EDNRB: variants seen among roughly 807,000 people sequenced by gnomAD.
EDNRB encodes the protein endothelin receptor type B.
In EDNRB, 18 loss-of-function variants were observed where a neutral mutation model predicts 46.4. That is an observed-to-expected ratio of 0.39 (90% CI 0.27 to 0.57). The LOEUF (loss-of-function observed/expected upper bound fraction) is 0.57, where lower values mean the gene tolerates loss of function less well. Ranked by LOEUF, EDNRB falls within the 20% of genes least tolerant of loss-of-function variation. The pLI is 0.61. For missense variants in EDNRB, 434 were observed against 537.5 expected, an observed-to-expected ratio of 0.81 and a Z score of 1.90; for synonymous variants, 213 against 204.9, an observed-to-expected ratio of 1.04 and a Z score of -0.34.
At chr13:77,925,972 T>C (rs145273050) in intron 1 of EDNRB, among the ~76,000 whole-genome samples, 131 of 152,340 alleles carry the variant, frequency 8.6e-4, no homozygotes, top group African/African-American at 3.1e-3. Context: ...ATGCGAGATA[T>C]GGCATCAAAA....
At chr13:77,964,026 C>G (rs71434882) in intron 1 of EDNRB, among the ~76,000 whole-genome samples, 220 of 152,172 alleles carry the variant, frequency 1.4e-3, no homozygotes, top group Admixed American at 2.2e-3. Context: ...AAAAATGTGC[C>G]TCATCACTGG....
chr13:77,940,386 G>A (rs539634870), intron 1 of EDNRB, among the ~76,000 whole-genome samples: 1 of 151,882 alleles, frequency 6.6e-6, no homozygotes, highest in Non-Finnish European at 1.5e-5. Flanking sequence ...ATGAGTAGAT[G>A]TTCTCCAGGT....
At chr13:77,917,872 C>T (rs1347552648) in intron 1 of EDNRB, among the ~76,000 whole-genome samples, 2 of 152,164 alleles carry the variant, frequency 1.3e-5, no homozygotes, top group Admixed American at 1.3e-4. Context: ...TAGCAGAGGT[C>T]TACTGAAGAC....
intron 6 of EDNRB, chr13:77,899,418 A>AT (rs66860239): frequency 4.2e-5 from 7 of 168,486 alleles, no homozygotes; most frequent in Non-Finnish European, 6.4e-5. Context: ...AACCTAAACT[A>AT]TTTTTTTTTT....
chr13:77,936,359 T>G (rs1880564562), intron 1 of EDNRB, among the ~76,000 whole-genome samples: 1 of 152,126 alleles, frequency 6.6e-6, no homozygotes, highest in South Asian at 2.1e-4. Flanking sequence ...GAGTATTGTC[T>G]AAGTTGGCAC....
In EDNRB at chr13:77,899,746, G is replaced by A; in HGVS notation, c.1194+113C>T. On this transcript the variant is annotated intron_variant, in intron 6 of 6. Transcript: ENST00000646607. Reference sequence around the variant, plus strand: ...AAAAATCATCCATGATGTAATAAAAGGGAAACTATAAGATAATTTACTAAA... The same window carrying A: ...AAAAATCATCCATGATGTAATAAAAAGGAAACTATAAGATAATTTACTAAA... The A allele has an allele frequency of 7.6e-6, 6 of 790,016 alleles. No homozygotes were observed. In the East Asian group the frequency reaches 1.3e-4, roughly 18 times the overall value. 48.9% of individuals were successfully genotyped at this position (790,016 alleles called of 1,614,324 possible).
At chr13:77,902,536 G>A (rs543482244) in intron 3 of EDNRB, among the ~76,000 whole-genome samples, 1 of 151,892 alleles carries the variant, frequency 6.6e-6, no homozygotes, top group East Asian at 1.9e-4. Context: ...TTAGCCACCT[G>A]CTCTGACCTT....
chr13:77,900,030 A>G (rs577772725), intron 5 of EDNRB, 63 bp from the exon 6 acceptor site: 45 of 1,404,274 alleles, frequency 3.2e-5, no homozygotes, highest in Non-Finnish European at 4.3e-5. Context: ...TAGTCATTGT[A>G]GCTTCTGTGC....
intron 1 of EDNRB, among the ~76,000 whole-genome samples, chr13:77,970,977 CCAGT>C (rs1881712077): frequency 6.6e-6 from 1 of 152,062 alleles, no homozygotes; most frequent in Admixed American, 6.6e-5. Flanking sequence ...TGTGTGTGGA[CCAGT>C]CAGCTTCCAA....
rs1305214958 is a variant in EDNRB, at chr13:77,918,583, T to G, written c.-10A>C. On this transcript the variant is annotated 5_prime_UTR_variant, in exon 1 of 7. Transcript: ENST00000646607. This position sits in a 1 kb window ranked among gnomAD's most constrained non-coding sequence, Gnocchi z 4.5. Reference sequence around the variant, plus strand: ...TTGGAGGCGGCTGCATGCTGCTACCTGCTCCAGAAGGCGTCCGGTGGCCGC... The same window carrying G: ...TTGGAGGCGGCTGCATGCTGCTACCGGCTCCAGAAGGCGTCCGGTGGCCGC... The G allele has an allele frequency of 2.5e-6, 4 of 1,588,744 alleles. No homozygotes were observed. The East Asian group carries it at 8.9e-5, about 35-fold the overall frequency.
chr13:77,930,867 G>C (rs1186262448), intron 1 of EDNRB, among the ~76,000 whole-genome samples: 2 of 151,508 alleles, frequency 1.3e-5, no homozygotes, highest in Non-Finnish European at 2.9e-5. Flanking sequence ...GCTGGGTCTC[G>C]TTAATGGTGC....
intron 1 of EDNRB, among the ~76,000 whole-genome samples, chr13:77,904,164 G>A (rs941157987): frequency 9.2e-5 from 14 of 151,774 alleles, no homozygotes; most frequent in African/African-American, 3.4e-4. Flanking sequence ...CCTACTTAGG[G>A]CTTTCGCTGT....
In EDNRB at chr13:77,916,658, G is replaced by C. The variant is rs578076080; in HGVS notation, c.483+1433C>G. Among the ~76,000 whole-genome samples, 401 of 152,208 alleles carry C rather than the reference G, an allele frequency of 2.6e-3. 3 individuals carry two copies. The highest frequency in any genetic ancestry group is 9.3e-3 in the African/African-American group (385 of 41,546). On this transcript the variant is annotated intron_variant, in intron 1 of 6. Coordinates refer to ENST00000646607, the MANE Select transcript of EDNRB (RefSeq NM_001122659.3). ...AGGGAAATTTACAGGCATGCCTTAT[G>C]GTAACTACTCCTGCCAATAGGTCAA...
At chr13:77,935,098 G>A (rs527403861) in intron 1 of EDNRB, among the ~76,000 whole-genome samples, 1 of 152,022 alleles carries the variant, frequency 6.6e-6, no homozygotes, top group Admixed American at 6.5e-5. Context: ...TATGTGTCAG[G>A]TGTGAGGAAG....
At chr13:77,950,212 C>T (rs1881051762) in intron 1 of EDNRB, among the ~76,000 whole-genome samples, 1 of 152,206 alleles carries the variant, frequency 6.6e-6, no homozygotes, top group Non-Finnish European at 1.5e-5. Context: ...CCAAACTCCT[C>T]TTTATATACA....
intron 5 of EDNRB, 22 bp downstream of exon 5, chr13:77,900,499 A>G: frequency 6.2e-7 from 1 of 1,611,858 alleles, no homozygotes; most frequent in Non-Finnish European, 8.5e-7. Flanking sequence ...TTACAAAACC[A>G]TTTCTAGTTT....
At chr13:77,900,972 G>A (rs754144150) in intron 4 of EDNRB, 86 bp downstream of exon 4, 324 of 1,506,062 alleles carry the variant, frequency 2.2e-4, no homozygotes, top group Middle Eastern at 7.1e-4. Context: ...ATATAATAAT[G>A]TTAGTTTATC....
chr13:77,958,344 TTTTATTTATTTA>T (rs147945804), intron 1 of EDNRB, among the ~76,000 whole-genome samples: 7,971 of 145,586 alleles, frequency 0.055, 300 homozygotes, highest in East Asian at 0.1. Context: ...TCCCAGGTTA[TTTTATTTATTTA>T]TTTATTTATT....
At chr13:77,922,221 G>A (rs558130559), upstream of EDNRB, among the ~76,000 whole-genome samples, 9 of 151,610 alleles carry the variant, frequency 5.9e-5, no homozygotes, top group South Asian at 1.0e-3. Context: ...ATTCCAGATT[G>A]GCTAAGATCA....
Sources: gnomAD v4.1 joint callset for allele counts (sites outside exome capture counted in the v4.1 genomes callset) on GRCh38, gnomAD v4.1.1 for gene constraint, Gnocchi (gnomAD v3.1) non-coding constraint, MANE v1.5 for transcripts, NCBI Gene and HGNC (gene_info 2026-07-23, HGNC 2026-07-21) for gene names.